CELF2: variants seen among roughly 807,000 people sequenced by gnomAD.
The protein encoded by CELF2 is CUGBP Elav-like family member 2, also known as CUG triplet repeat RNA-binding protein 2.
In CELF2, 8 loss-of-function variants were observed where a neutral mutation model predicts 62.6. The ratio of observed to expected loss-of-function variants is 0.13; its 90% confidence interval spans 0.07 to 0.23. CELF2 has a LOEUF of 0.23. Among genes scored for constraint, CELF2 ranks in the 10% least tolerant of loss-of-function variants. CELF2 has a pLI of 1.00. For synonymous variants in CELF2, 258 were observed against 250.0 expected (o/e 1.03, Z -0.30); for missense variants, 333 against 671.0 (o/e 0.50, Z 5.56).
rs577654717 is a variant in CELF2, at chr10:11,321,748, G to C, written c.1294+362G>C. 6.6e-6 allele frequency among the ~76,000 whole-genome samples: 1 copy of C among 152,238 alleles called. No individual in the cohort carries two copies. Among genetic ancestry groups the C allele is most frequent in the East Asian group, 1.9e-4 (1 of 5,178 alleles). The stretch of plus-strand genomic sequence containing the variant: ...TCAGTCTTTCTCACTTGGTCTTATA[G>C]TTACCTTCTAATTTAATTTTTCATC... On this transcript the variant is annotated intron_variant, in intron 11 of 12. Transcript: ENST00000633077. The surrounding 1 kb of genome is among the most constrained non-coding windows in gnomAD (Gnocchi z 6.2).
At chr10:10,684,162 T>C in the CELF2 span, among the ~76,000 whole-genome samples, 196 of 152,302 alleles carry the variant, frequency 1.3e-3, no homozygotes, top group African/African-American at 4.5e-3. Flanking sequence ...GCTATTTCAG[T>C]AGGAGTCAAC....
the CELF2 span, among the ~76,000 whole-genome samples, chr10:10,786,426 T>C: frequency 6.7e-6 from 1 of 150,156 alleles, no homozygotes; most frequent in African/African-American, 2.5e-5. Context: ...AAGCCAACCA[T>C]AATACAGATC....
the CELF2 span, among the ~76,000 whole-genome samples, chr10:10,673,167 A>C: frequency 6.6e-6 from 1 of 152,060 alleles, no homozygotes; most frequent in African/African-American, 2.4e-5. Context: ...TACTAGTTTC[A>C]GGAGTTTGGG....
intron 1 of CELF2, among the ~76,000 whole-genome samples, chr10:11,071,277 G>A (rs769250567): frequency 2.0e-5 from 3 of 152,178 alleles, no homozygotes; most frequent in Non-Finnish European, 1.5e-5. Context: ...AAGCTCAGGG[G>A]CATGAAGTTT....
rs2088039889 is a variant in CELF2, at chr10:11,280,532, C to T, written c.841+5412C>T. Among the ~76,000 whole-genome samples the T allele has an allele frequency of 6.6e-6, 1 of 152,202 alleles. No homozygotes were observed. Among genetic ancestry groups the T allele is most frequent in the Admixed American group, 6.5e-5 (1 of 15,276 alleles). The stretch of plus-strand genomic sequence containing the variant: ...TGGTGGGAGGAGCCAAGACATCAGC[C>T]ACCAGGGACGTGCATCGTTGCCAGG... On this transcript the variant is annotated intron_variant, in intron 8 of 12. Coordinates refer to ENST00000633077, the MANE Select transcript of CELF2 (RefSeq NM_001326342.2). The surrounding 1 kb of genome is among the most constrained non-coding windows in gnomAD (Gnocchi z 7.6).
At chr10:11,317,415 A>G (rs1029528230) in intron 10 of CELF2, 7 of 152,248 alleles carry the variant, frequency 4.6e-5, no homozygotes, top group African/African-American at 1.4e-4. Flanking sequence ...ACATATAGAC[A>G]TCTTCATCTA....
the CELF2 span, among the ~76,000 whole-genome samples, chr10:10,627,402 C>A: frequency 6.6e-6 from 1 of 152,176 alleles, no homozygotes; most frequent in African/African-American, 2.4e-5. Flanking sequence ...TCCTGGAGTC[C>A]TTCTGTACCG....
intron 2 of CELF2, among the ~76,000 whole-genome samples, chr10:10,963,894 G>T (rs766940353): frequency 1.3e-5 from 2 of 152,096 alleles, no homozygotes; most frequent in Non-Finnish European, 2.9e-5. Flanking sequence ...CCTCAATGGA[G>T]ATGCCTCAGG....
At chr10:10,637,239 G>T in the CELF2 span, among the ~76,000 whole-genome samples, 3 of 152,242 alleles carry the variant, frequency 2.0e-5, no homozygotes, top group African/African-American at 7.2e-5. Flanking sequence ...ATCCTGAAGG[G>T]ATTTACTATG....
the CELF2 span, among the ~76,000 whole-genome samples, chr10:10,570,248 G>A: frequency 6.6e-6 from 1 of 152,188 alleles, no homozygotes; most frequent in Non-Finnish European, 1.5e-5. Flanking sequence ...GAAGAGCCCT[G>A]AAGCACAATT....
Position 11,071,877 on chromosome 10 carries a change from T to C in CELF2, c.74+53714T>C, listed in dbSNP as rs563079685. Among the ~76,000 whole-genome samples the C allele has an allele frequency of 9.9e-5, 15 of 152,218 alleles. No homozygotes were observed. In the South Asian group the frequency reaches 3.1e-3, roughly 32 times the overall value. On this transcript the variant is annotated intron_variant, in intron 1 of 12. Transcript: ENST00000633077. ...TATCTCACCCCTGACAAGTCCCGAGTCAATGGGGTCATGTTGGTGACATGT... is the reference window on the plus strand; with the variant it reads ...TATCTCACCCCTGACAAGTCCCGAGCCAATGGGGTCATGTTGGTGACATGT...
rs2080210825 is a variant in CELF2 at position 11,260,597 on chromosome 10, TA to T, written c.538+2726del. On this transcript the variant is annotated intron_variant, in intron 5 of 12. Transcript: ENST00000633077. The surrounding 1 kb of genome is among the most constrained non-coding windows in gnomAD (Gnocchi z 4.2). Reference sequence around the variant, plus strand: ...ATGGGGAGCAGTCTCATCAATATTTTATGCAAACGCTGGCTCAGTGGAAAGA... The same window carrying T: ...ATGGGGAGCAGTCTCATCAATATTTTTGCAAACGCTGGCTCAGTGGAAAGA... 6.6e-6 allele frequency among the ~76,000 whole-genome samples: 1 copy of T among 151,746 alleles called. No individual in the cohort carries two copies. Among genetic ancestry groups the T allele is most frequent in the Non-Finnish European group, 1.5e-5 (1 of 67,994 alleles).
At chr10:10,591,477 T>A in the CELF2 span, among the ~76,000 whole-genome samples, 1 of 152,150 alleles carries the variant, frequency 6.6e-6, no homozygotes, top group African/African-American at 2.4e-5. Context: ...AAGAAAGATG[T>A]GAAATACTGA....
chr10:10,751,314 G>C, the CELF2 span, among the ~76,000 whole-genome samples: 1 of 152,332 alleles, frequency 6.6e-6, no homozygotes, highest in African/African-American at 2.4e-5. Context: ...GAGGAAGTTT[G>C]CTTTCCAAAC....
chr10:10,547,516 A>T, the CELF2 span, among the ~76,000 whole-genome samples: 1 of 151,798 alleles, frequency 6.6e-6, no homozygotes, highest in African/African-American at 2.4e-5. Context: ...TGTTGCCTTA[A>T]GGTGTATTTA....
rs567585576 is a variant in CELF2 at position 11,244,148 on chromosome 10, C to G, written c.355-5005C>G. ...GGGAAGCAGTTGAGAAGCAACAGTTCTGACCCCACTCATTTCATCATTAGC... is the reference window on the plus strand; with the variant it reads ...GGGAAGCAGTTGAGAAGCAACAGTTGTGACCCCACTCATTTCATCATTAGC... On this transcript the variant is annotated intron_variant, in intron 3 of 12. Transcript: ENST00000633077. This position sits in a 1 kb window ranked among gnomAD's most constrained non-coding sequence, Gnocchi z 4.2. Among the ~76,000 whole-genome samples the G allele has an allele frequency of 9.7e-4, 148 of 152,372 alleles. 1 individual carries two copies. The highest frequency in any genetic ancestry group is 3.0e-3 in the Admixed American group (46 of 15,306).
the CELF2 span, among the ~76,000 whole-genome samples, chr10:10,727,888 T>C: frequency 6.6e-6 from 1 of 152,184 alleles, no homozygotes; most frequent in African/African-American, 2.4e-5. Context: ...TTTAATCCAA[T>C]TCATTTTTAT....
chr10:11,050,268 T>C (rs746920676), intron 1 of CELF2, among the ~76,000 whole-genome samples: 2 of 152,214 alleles, frequency 1.3e-5, no homozygotes, highest in African/African-American at 4.8e-5. Context: ...TCCAGTGTAA[T>C]GGGCTTAAAA....
At chr10:10,923,359 G>A (rs571961697) in intron 2 of CELF2, among the ~76,000 whole-genome samples, 2 of 152,256 alleles carry the variant, frequency 1.3e-5, no homozygotes, top group East Asian at 1.9e-4. Flanking sequence ...GAAATGTTCC[G>A]AAAGACCATT....
Sources: gnomAD v4.1 joint callset for allele counts (sites outside exome capture counted in the v4.1 genomes callset) on GRCh38, gnomAD v4.1.1 for gene constraint, Gnocchi (gnomAD v3.1) non-coding constraint, MANE v1.5 for transcripts, NCBI Gene and HGNC (gene_info 2026-07-23, HGNC 2026-07-21) for gene names.